GABRB1: variants seen among roughly 807,000 people sequenced by gnomAD.
GABRB1 encodes gamma-aminobutyric acid type A receptor subunit beta1.
In GABRB1, 17 loss-of-function variants were observed where a neutral mutation model predicts 51.6. That is an observed-to-expected ratio of 0.33 (90% CI 0.23 to 0.49). The LOEUF (loss-of-function observed/expected upper bound fraction) is 0.49, where lower values mean the gene tolerates loss of function less well. Among genes scored for constraint, GABRB1 ranks in the 20% least tolerant of loss-of-function variants. The pLI is 0.99. For synonymous variants in GABRB1, 247 were observed against 218.9 expected (o/e 1.13, Z -1.14); for missense variants, 410 against 600.6 (o/e 0.68, Z 3.32).
At chr4:47,389,440 C>T (rs1490646203) in intron 5 of GABRB1, among the ~76,000 whole-genome samples, 1 of 152,184 alleles carries the variant, frequency 6.6e-6, no homozygotes, top group Admixed American at 6.5e-5. Context: ...AAAATGTTCT[C>T]TCACAATTAT....
intron 1 of GABRB1, among the ~76,000 whole-genome samples, chr4:47,009,388 C>A (rs1198628634): frequency 6.6e-6 from 1 of 152,012 alleles, no homozygotes; most frequent in Non-Finnish European, 1.5e-5. Context: ...ATGTATTTGC[C>A]TTACAGGCTT....
intron 3 of GABRB1, among the ~76,000 whole-genome samples, chr4:47,105,776 C>T (rs1360258627): frequency 6.6e-6 from 1 of 152,096 alleles, no homozygotes; most frequent in Non-Finnish European, 1.5e-5. Flanking sequence ...GAGGCTTTCC[C>T]AGTTCTCTGC....
Position 47,092,165 on chromosome 4 carries a change from C to CT in GABRB1, c.240+59705dup, listed in dbSNP as rs869057256. Among the ~76,000 whole-genome samples the CT allele has an allele frequency of 3.8e-3, 231 of 60,500 alleles. 1 individual carries two copies. Among genetic ancestry groups the CT allele is most frequent in the East Asian group, 0.026 (49 of 1,906 alleles). The allele number at this position is 60,500 out of a possible 152,430, so 39.7% of individuals were successfully genotyped here. ...TTTTTCTTTCTTTCTTTCTTTCTTT[C>CT]TTTTTTTTTTTTTTTTTTTTTTTTG... On this transcript the variant is annotated intron_variant, in intron 3 of 8. Coordinates refer to ENST00000295454, the MANE Select transcript of GABRB1 (RefSeq NM_000812.4).
intron 5 of GABRB1, among the ~76,000 whole-genome samples, chr4:47,370,957 G>A (rs35218388): frequency 0.092 from 14,048 of 151,964 alleles, 794 homozygotes; most frequent in Non-Finnish European, 0.12. Context: ...AAGTTCTGGG[G>A]TACATGTTCA....
At chr4:47,420,394 G>C (rs1729055452) in intron 8 of GABRB1, among the ~76,000 whole-genome samples, 1 of 152,120 alleles carries the variant, frequency 6.6e-6, no homozygotes, top group Non-Finnish European at 1.5e-5. Flanking sequence ...GCACTGTGAG[G>C]AGTGGGGAAT....
intron 3 of GABRB1, among the ~76,000 whole-genome samples, chr4:47,046,802 C>T (rs894963396): frequency 6.6e-6 from 1 of 152,076 alleles, no homozygotes; most frequent in Non-Finnish European, 1.5e-5. Flanking sequence ...CCATGGAATA[C>T]TATGCAGCCT....
intron 5 of GABRB1, among the ~76,000 whole-genome samples, chr4:47,363,019 C>CGT (rs72429068): frequency 0.016 from 1,907 of 119,000 alleles, 17 homozygotes; most frequent in African/African-American, 0.024. Flanking sequence ...AGTGTCTAAG[C>CGT]GTGTGTGTGT....
chr4:47,004,394 A>G (rs914356402), intron 1 of GABRB1, among the ~76,000 whole-genome samples: 12 of 152,352 alleles, frequency 7.9e-5, no homozygotes, highest in Admixed American at 2.6e-4. Flanking sequence ...TCAAGATTAT[A>G]GGCATGATGA....
At chr4:47,032,529 G>T in intron 3 of GABRB1, 45 bp downstream of exon 3, 1 of 1,570,806 alleles carries the variant, frequency 6.4e-7, no homozygotes. Flanking sequence ...TTACGCAGAT[G>T]GGAAATGGAC....
At chr4:47,192,454 A>G (rs1292488595) in intron 4 of GABRB1, among the ~76,000 whole-genome samples, 1 of 152,220 alleles carries the variant, frequency 6.6e-6, no homozygotes, top group Non-Finnish European at 1.5e-5. Context: ...GAAAAAAGTA[A>G]AAAATACATT....
rs552147199 is a variant in GABRB1 at position 47,244,251 on chromosome 4, T to G, written c.462-75876T>G. ...ATGAAGCCAACTTGATCGTGGTGCA[T>G]AAGCTTTTTGACGTGCTGCTGTATT... On this transcript the variant is annotated intron_variant, in intron 4 of 8. Transcript: ENST00000295454. Among the ~76,000 whole-genome samples, 10 of 152,332 alleles carry G rather than the reference T, an allele frequency of 6.6e-5. No individual in the cohort carries two copies. The South Asian group carries it at 1.9e-3, about 28-fold the overall frequency.
chr4:47,415,923 AT>A (rs1560376633), intron 8 of GABRB1, among the ~76,000 whole-genome samples: 1 of 152,148 alleles, frequency 6.6e-6, no homozygotes, highest in Non-Finnish European at 1.5e-5. Flanking sequence ...GCTCAGAGAG[AT>A]GACTCAAAGT....
chr4:47,277,626 T>A (rs2109902225), intron 4 of GABRB1, among the ~76,000 whole-genome samples: 1 of 151,916 alleles, frequency 6.6e-6, no homozygotes, highest in African/African-American at 2.4e-5. Flanking sequence ...CCCATAAATG[T>A]ATATGCCTAC....
At chr4:47,244,707 A>G (rs1721672757) in intron 4 of GABRB1, among the ~76,000 whole-genome samples, 1 of 152,186 alleles carries the variant, frequency 6.6e-6, no homozygotes. Context: ...AAACCACTCA[A>G]CTACATGGAA....
intron 8 of GABRB1, among the ~76,000 whole-genome samples, chr4:47,411,314 T>C (rs929525240): frequency 3.9e-5 from 6 of 152,060 alleles, no homozygotes; most frequent in Admixed American, 3.9e-4. Flanking sequence ...ACTATTCCAG[T>C]AAAAAAGAAA....
chr4:47,141,079 A>G (rs1470767809), intron 3 of GABRB1, among the ~76,000 whole-genome samples: 1 of 151,870 alleles, frequency 6.6e-6, no homozygotes, highest in Non-Finnish European at 1.5e-5. Context: ...TAGAGTGTAC[A>G]ACAGTTTTTT....
chr4:47,333,221 T>TAC (rs1725562752), intron 5 of GABRB1, among the ~76,000 whole-genome samples: 1 of 69,496 alleles, frequency 1.4e-5, no homozygotes, highest in African/African-American at 5.3e-5. Context: ...TATATATATA[T>TAC]ATATATATAT....
At chr4:47,166,885 C>T (rs1385827529) in intron 4 of GABRB1, among the ~76,000 whole-genome samples, 1 of 152,082 alleles carries the variant, frequency 6.6e-6, no homozygotes, top group Non-Finnish European at 1.5e-5. Context: ...TCCACTTTCT[C>T]CATGAGAACT....
intron 5 of GABRB1, among the ~76,000 whole-genome samples, chr4:47,393,948 T>A (rs1305256489): frequency 6.6e-6 from 1 of 152,226 alleles, no homozygotes; most frequent in Admixed American, 6.5e-5. Context: ...GCTTGCCAGT[T>A]TAGAGAATTA....
Sources: gnomAD v4.1 joint callset for allele counts (sites outside exome capture counted in the v4.1 genomes callset) on GRCh38, gnomAD v4.1.1 for gene constraint, MANE v1.5 for transcripts, NCBI Gene and HGNC (gene_info 2026-07-23, HGNC 2026-07-21) for gene names.